The following MTHFD1L variants were observed in gnomAD, a reference collection of about 807,000 sequenced individuals.
The protein encoded by MTHFD1L is monofunctional C1-tetrahydrofolate synthase, mitochondrial.
In MTHFD1L, 81 loss-of-function variants were observed where a neutral mutation model predicts 119.5. That is an observed-to-expected ratio of 0.68 (90% CI 0.57 to 0.82). The LOEUF (loss-of-function observed/expected upper bound fraction) is 0.82. MTHFD1L is among the 40% of genes least tolerant of loss of function. The pLI is 0.00. For missense variants in MTHFD1L, 1,125 were observed against 1,253.4 expected, an observed-to-expected ratio of 0.90 and a Z score of 1.55; for synonymous variants, 430 against 475.2, an observed-to-expected ratio of 0.90 and a Z score of 1.24.
chr6:150,974,814 G>A (rs1044513608), intron 20 of MTHFD1L, among the ~76,000 whole-genome samples: 6 of 150,704 alleles, frequency 4.0e-5, no homozygotes, highest in African/African-American at 1.2e-4. Context: ...TCAGCTCACT[G>A]CAACCTCCGC....
At chr6:151,041,865 G>A in intron 26 of MTHFD1L, 1 of 526,712 alleles carries the variant, frequency 1.9e-6, no homozygotes, top group Non-Finnish European at 3.9e-6. Context: ...CAGCATTGCT[G>A]GCTTTGGAAG....
chr6:150,940,891 C>T (rs1222237785), intron 13 of MTHFD1L, among the ~76,000 whole-genome samples: 1 of 152,048 alleles, frequency 6.6e-6, no homozygotes, highest in Admixed American at 6.6e-5. Context: ...AGAAGACTAC[C>T]TTATGAGGGT....
In MTHFD1L at chr6:150,905,747, A is replaced by G. The variant is rs766063498; in HGVS notation, c.878A>G (p.His293Arg). The change falls in exon 8 of 28, where the codon CAT becomes CGT. Residue 293 changes from histidine (H) to arginine (R), a missense_variant. This residue lies in a region of MTHFD1L where 1,058 missense variants were observed against 1,151.2 expected (regional missense o/e 0.92). Coordinates refer to ENST00000367321, the MANE Select transcript of MTHFD1L (RefSeq NM_015440.5). ...GGAACTACTGTTCTCAACTGCTCCCATGACTTCCTGTCAGGTAAATGTCTT... is the reference window on the plus strand; with the variant it reads ...GGAACTACTGTTCTCAACTGCTCCCGTGACTTCCTGTCAGGTAAATGTCTT... ...QPGTTVLNCS[H>R]DFLSGKVGCG... The G allele has an allele frequency of 6.2e-7, 1 of 1,613,136 alleles. No homozygotes were observed. Among genetic ancestry groups the G allele is most frequent in the South Asian group, 1.1e-5 (1 of 91,064 alleles).
intron 11 of MTHFD1L, among the ~76,000 whole-genome samples, chr6:150,928,433 CAAAAAAA>C (rs540059318): frequency 0.014 from 991 of 70,954 alleles, 23 homozygotes; most frequent in African/African-American, 0.048. Context: ...AAGACTGTCT[CAAAAAAA>C]AAAAAAAAAA....
chr6:151,073,688 T>TA (rs59835432), intron 26 of MTHFD1L, among the ~76,000 whole-genome samples: 4,953 of 149,232 alleles, frequency 0.033, 211 homozygotes, highest in African/African-American at 0.1. Flanking sequence ...CCTGAAATGA[T>TA]AAAAAAAAAA....
intron 8 of MTHFD1L, among the ~76,000 whole-genome samples, chr6:150,913,331 T>G (rs1787269668): frequency 6.6e-6 from 1 of 151,980 alleles, no homozygotes; most frequent in Non-Finnish European, 1.5e-5. Context: ...CGGCTAGTTT[T>G]TTTTTTTGTA....
intron 19 of MTHFD1L, among the ~76,000 whole-genome samples, chr6:150,968,252 C>T (rs1797509920): frequency 6.6e-6 from 1 of 152,002 alleles, no homozygotes; most frequent in Non-Finnish European, 1.5e-5. Flanking sequence ...CCTTTTCCAT[C>T]CTGTTCACCA....
At chr6:150,895,647 A>G (rs1784096717) in intron 7 of MTHFD1L, among the ~76,000 whole-genome samples, 1 of 140,668 alleles carries the variant, frequency 7.1e-6, no homozygotes, top group Non-Finnish European at 1.5e-5. Flanking sequence ...AAGCTGAACT[A>G]TTACAAAGTC....
chr6:150,971,851 A>C, intron 19 of MTHFD1L, 96 bp from the exon 20 acceptor site: 1 of 1,000,196 alleles, frequency 1.0e-6, no homozygotes, highest in Non-Finnish European at 1.6e-6. Flanking sequence ...TGCAGTATTC[A>C]TAAAAGCTTT....
chr6:150,876,119 T>C lies in MTHFD1L; in HGVS notation c.257T>C (p.Leu86Pro). 6.2e-7 allele frequency: 1 copy of C among 1,608,082 alleles called. No homozygotes were observed. Among genetic ancestry groups the C allele is most frequent in the South Asian group, 1.1e-5 (1 of 89,270 alleles). The change falls in exon 2 of 28, where the codon CTA becomes CCA. Residue 86 changes from leucine (L) to proline (P), a missense_variant. Physicochemically the swap from Leu to Pro is moderately conservative, Grantham distance 98. Around this residue, in one of 3 missense-constraint regions of MTHFD1L, gnomAD observed 1,058 missense variants for 1,151.2 expected, o/e 0.92. Coordinates refer to ENST00000367321, the MANE Select transcript of MTHFD1L (RefSeq NM_015440.5). ...REVIQNSKEVLSLLQEKNPAF... is the reference protein window; with the variant it reads ...REVIQNSKEVPSLLQEKNPAF... ...GTCATTCAGAATTCAAAAGAAGTTC[T>C]AAGTTTATTGCAAGAAAAAAACCCT...
chr6:150,882,705 G>C, intron 4 of MTHFD1L, 57 bp from the exon 5 acceptor site: 2 of 1,262,782 alleles, frequency 1.6e-6, no homozygotes, highest in Non-Finnish European at 2.1e-6. Flanking sequence ...AGCTTCCTTT[G>C]TTGGGTCTCA....
chr6:151,020,917 C>A (rs1051186492), intron 24 of MTHFD1L, among the ~76,000 whole-genome samples: 29 of 152,208 alleles, frequency 1.9e-4, no homozygotes, highest in Non-Finnish European at 4.3e-4. Context: ...CTCCTCCATA[C>A]GTTCTTCCAG....
chr6:150,904,250 A>G (rs550180377), intron 7 of MTHFD1L, among the ~76,000 whole-genome samples: 3 of 152,296 alleles, frequency 2.0e-5, no homozygotes, highest in East Asian at 1.9e-4. Context: ...TGGTGGGGGT[A>G]GTGACACTGG....
Position 151,015,546 on chromosome 6 carries a change from G to T in MTHFD1L, c.2439G>T (p.Val813=). 1 of 1,614,026 alleles carries T rather than the reference G, an allele frequency of 6.2e-7. No homozygotes were observed. ...KTDTRAEIDL[V]CELAKRAGAF... is the part of the protein sequence containing the mutation. Reference sequence around the variant, plus strand: ...ACACCCGCGCTGAGATTGACTTGGTGTGTGAGCTTGCAAAGCGGGCTGGTG... The same window carrying T: ...ACACCCGCGCTGAGATTGACTTGGTTTGTGAGCTTGCAAAGCGGGCTGGTG... The change falls in exon 24 of 28, where the codon GTG becomes GTT. Residue 813 remains valine, a synonymous_variant. Coordinates refer to ENST00000367321, the MANE Select transcript of MTHFD1L (RefSeq NM_015440.5).
chr6:150,900,817 C>T (rs1211783587), intron 7 of MTHFD1L, among the ~76,000 whole-genome samples: 1 of 151,502 alleles, frequency 6.6e-6, no homozygotes, highest in African/African-American at 2.4e-5. Context: ...AGATCGAGAC[C>T]ATCCTGGATA....
chr6:151,029,272 T>C (rs1021840641), intron 24 of MTHFD1L, among the ~76,000 whole-genome samples: 1 of 149,998 alleles, frequency 6.7e-6, no homozygotes, highest in African/African-American at 2.5e-5. Context: ...AATACAAAAA[T>C]TAGCCAGGCG....
intron 26 of MTHFD1L, among the ~76,000 whole-genome samples, chr6:151,061,541 C>G (rs1790639569): frequency 6.6e-6 from 1 of 152,220 alleles, no homozygotes; most frequent in Non-Finnish European, 1.5e-5. Flanking sequence ...TTCTCAGACT[C>G]AGGCCTGCTA....
intron 20 of MTHFD1L, among the ~76,000 whole-genome samples, chr6:151,006,123 C>T (rs968465626): frequency 6.8e-6 from 1 of 146,168 alleles, no homozygotes; most frequent in Non-Finnish European, 1.5e-5. Flanking sequence ...GGAGACGGCA[C>T]GTCAGTGTAC....
In MTHFD1L at chr6:150,950,616, C is replaced by G. The variant is rs372466976; in HGVS notation, c.1726+1483C>G. ...CCTTTCCAGACCCAAAAGCTCTGCCCACACGATCATCAGAAGTCACTGTGG... is the reference window on the plus strand; with the variant it reads ...CCTTTCCAGACCCAAAAGCTCTGCCGACACGATCATCAGAAGTCACTGTGG... On this transcript the variant is annotated intron_variant, in intron 16 of 27. Transcript: ENST00000367321. 5.3e-5 allele frequency among the ~76,000 whole-genome samples: 8 copies of G among 152,162 alleles called. No individual in the cohort carries two copies. The East Asian group carries it at 1.5e-3, about 29-fold the overall frequency.
Sources: gnomAD v4.1 joint callset for allele counts (sites outside exome capture counted in the v4.1 genomes callset) on GRCh38, gnomAD v4.1.1 for gene constraint, gnomAD v4.1.1 regional missense constraint, MANE v1.5 for transcripts, NCBI Gene and HGNC (gene_info 2026-07-23, HGNC 2026-07-21) for gene names.